UHMK1: variants seen among roughly 807,000 people sequenced by gnomAD.
UHMK1 encodes the protein serine/threonine-protein kinase Kist.
UHMK1 carries 18 observed loss-of-function variants against 44.0 expected under a neutral mutation model. The observed-to-expected ratio is 0.41, with a 90% CI of 0.28 to 0.61. The LOEUF (loss-of-function observed/expected upper bound fraction) is 0.61, where lower values mean the gene tolerates loss of function less well. UHMK1 is among the 20% of genes least tolerant of loss of function. The pLI, the probability that UHMK1 is intolerant of heterozygous loss-of-function variation, is 0.31. For synonymous variants in UHMK1, 231 were observed against 198.5 expected (o/e 1.16, Z -1.38); for missense variants, 463 against 522.5 (o/e 0.89, Z 1.11).
intron 3 of UHMK1, among the ~76,000 whole-genome samples, 159 bp downstream of exon 3, chr1:162,501,263 G>A (rs192482294): frequency 1.3e-5 from 2 of 151,926 alleles, no homozygotes; most frequent in Admixed American, 1.3e-4. Flanking sequence ...TCCACCTTCC[G>A]GTTTCAACCA....
chr1:162,500,228 G>A lies in UHMK1; in HGVS notation c.542G>A (p.Ser181Asn). Reference protein sequence around the residue: ...ECFKLIDFGLSFKEGNQDVKY... With the variant: ...ECFKLIDFGLNFKEGNQDVKY... ...TTTAAACTCATTGACTTTGGACTTAGCTTCAAAGAAGGCAATCAGGTAAGA... is the reference window on the plus strand; with the variant it reads ...TTTAAACTCATTGACTTTGGACTTAACTTCAAAGAAGGCAATCAGGTAAGA... The change falls in exon 2 of 8, where the codon AGC becomes AAC. Residue 181 changes from serine (S) to asparagine (N), a missense_variant. Ser to Asn is a conservative substitution (Grantham distance 46). Around this residue, in one of 3 missense-constraint regions of UHMK1, gnomAD observed 264 missense variants for 326.3 expected, o/e 0.81. Coordinates refer to ENST00000489294, the MANE Select transcript of UHMK1 (RefSeq NM_175866.5). 1.9e-6 allele frequency: 3 copies of A among 1,610,240 alleles called. No individual in the cohort carries two copies. Among genetic ancestry groups the A allele is most frequent in the Non-Finnish European group, 2.5e-6 (3 of 1,176,760 alleles).
intron 6 of UHMK1, among the ~76,000 whole-genome samples, chr1:162,514,275 T>A (rs1312708637): frequency 6.8e-6 from 1 of 147,752 alleles, no homozygotes; most frequent in Non-Finnish European, 1.5e-5. Flanking sequence ...GGCAACAGAG[T>A]GAGACCATCT....
Position 162,498,190 on chromosome 1 carries a change from G to A in UHMK1, c.190G>A (p.Ala64Thr), listed in dbSNP as rs760023962. 47 of 1,612,914 alleles carry A rather than the reference G, an allele frequency of 2.9e-5. No individual in the cohort carries two copies. Among genetic ancestry groups the A allele is most frequent in the Non-Finnish European group, 3.4e-5 (40 of 1,179,352 alleles). ...KQFLPPGTTG[A>T]AASAAEYGFR... ...GTTCTTGCCGCCAGGAACCACCGGG[G>A]CTGCGGCCTCTGCCGCCGAGTATGG... Residue 64 changes from alanine to threonine, a missense_variant, in exon 1 of 8, where the codon GCT (alanine) becomes ACT (threonine). Coordinates refer to ENST00000489294, the MANE Select transcript of UHMK1 (RefSeq NM_175866.5).
intron 3 of UHMK1, 107 bp from the exon 4 acceptor site, chr1:162,503,647 G>A: frequency 1.7e-6 from 1 of 581,902 alleles, no homozygotes; most frequent in South Asian, 2.6e-5. Context: ...TAGGCTCTCA[G>A]AAGATAGTGT....
At chr1:162,498,380 A>G (rs1651143692) in intron 1 of UHMK1, 112 bp downstream of exon 1, 1 of 1,338,556 alleles carries the variant, frequency 7.5e-7, no homozygotes, top group East Asian at 2.5e-5. Context: ...AAGCGGGTTT[A>G]GCCCTCTTTA....
At chr1:162,511,650 G>T (rs538672203) in intron 4 of UHMK1, among the ~76,000 whole-genome samples, 48 of 152,218 alleles carry the variant, frequency 3.2e-4, no homozygotes, top group African/African-American at 1.1e-3. Flanking sequence ...TGCTGTTGAA[G>T]TTATATTCAA....
At chr1:162,508,888 C>G (rs2101676362) in intron 4 of UHMK1, among the ~76,000 whole-genome samples, 1 of 152,108 alleles carries the variant, frequency 6.6e-6, no homozygotes, top group East Asian at 1.9e-4. Flanking sequence ...CTCACTGCAG[C>G]TTTAAGCAAT....
chr1:162,498,101 C>G lies in UHMK1; in HGVS notation c.101C>G (p.Ser34Cys). 1.2e-6 allele frequency: 2 copies of G among 1,612,112 alleles called. No individual in the cohort carries two copies. Among genetic ancestry groups the G allele is most frequent in the South Asian group, 2.2e-5 (2 of 91,020 alleles). Reference protein sequence around the residue: ...QVQSRLGSGSSASVYRVRCCG... With the variant: ...QVQSRLGSGSCASVYRVRCCG... The stretch of plus-strand genomic sequence containing the variant: ...CAGAGCCGTCTGGGTAGCGGCTCCT[C>G]CGCCTCGGTGTATCGGGTTCGCTGC... Residue 34 changes from serine to cysteine, a missense_variant, in exon 1 of 8, where the codon TCC (serine) becomes TGC (cysteine). Ser to Cys is a moderately radical substitution (Grantham distance 112). This residue lies in a region of UHMK1 where 191 missense variants were observed against 176.0 expected (regional missense o/e 1.09). Coordinates refer to ENST00000489294, the MANE Select transcript of UHMK1 (RefSeq NM_175866.5).
intron 6 of UHMK1, among the ~76,000 whole-genome samples, chr1:162,517,825 C>T (rs1243171357): frequency 1.3e-5 from 2 of 151,908 alleles, no homozygotes; most frequent in Admixed American, 6.6e-5. Context: ...GCGGAGGTTG[C>T]AGTGTCACGC....
intron 7 of UHMK1, among the ~76,000 whole-genome samples, chr1:162,518,814 T>C (rs1365916308): frequency 2.1e-5 from 3 of 144,528 alleles, no homozygotes; most frequent in African/African-American, 7.8e-5. Context: ...TGGTGAACCC[T>C]TTTCTCTACT....
chr1:162,497,872 T>C lies in UHMK1; in HGVS notation c.-129T>C. 1 of 1,372,396 alleles carries C rather than the reference T, an allele frequency of 7.3e-7. No homozygotes were observed. The highest frequency in any genetic ancestry group is 1.8e-5 in the South Asian group (1 of 56,262). 85.0% of individuals were successfully genotyped at this position (1,372,396 alleles called of 1,614,324 possible). ...TCATGGCTGCTTGAAGTCCCGGGAGTCGGTGAGGCGGCTGCAGGTCCCTCC... is the reference window on the plus strand; with the variant it reads ...TCATGGCTGCTTGAAGTCCCGGGAGCCGGTGAGGCGGCTGCAGGTCCCTCC... On this transcript the variant is annotated 5_prime_UTR_variant, in exon 1 of 8. Coordinates refer to ENST00000489294, the MANE Select transcript of UHMK1 (RefSeq NM_175866.5).
intron 7 of UHMK1, among the ~76,000 whole-genome samples, chr1:162,521,397 G>C (rs1652054427): frequency 6.6e-6 from 1 of 151,982 alleles, no homozygotes. Context: ...CTATAGGTTT[G>C]GGCATAATTA....
chr1:162,499,888 A>G, intron 1 of UHMK1, 67 bp from the exon 2 acceptor site: 1 of 1,464,002 alleles, frequency 6.8e-7, no homozygotes, highest in East Asian at 2.3e-5. Context: ...TTTGTACTGC[A>G]GTTACCTACT....
At chr1:162,501,650 T>C (rs920982505) in intron 3 of UHMK1, among the ~76,000 whole-genome samples, 2 of 152,248 alleles carry the variant, frequency 1.3e-5, no homozygotes, top group Non-Finnish European at 2.9e-5. Context: ...ATAAAATGTT[T>C]GAATGAATGC....
At chr1:162,498,503 C>G (rs922979037) in intron 1 of UHMK1, among the ~76,000 whole-genome samples, 2 of 152,168 alleles carry the variant, frequency 1.3e-5, no homozygotes, top group African/African-American at 4.8e-5. Context: ...TGTCTTGCTT[C>G]GAGTCTCATC....
At position 162,512,634 on chromosome 1, in the gene UHMK1, A is replaced by G. The variant is rs567815358; in HGVS notation, c.925+58A>G. ...TCATTTGACAGTCATACAAGACATC[A>G]GCACTAATTTATATTCACAAGTTCC... On this transcript the variant is annotated intron_variant, in intron 5 of 7. Coordinates refer to ENST00000489294, the MANE Select transcript of UHMK1 (RefSeq NM_175866.5). 51 of 1,601,784 alleles carry G rather than the reference A, an allele frequency of 3.2e-5. No homozygotes were observed. The African/African-American group carries it at 5.6e-4, about 18-fold the overall frequency.
rs907273118 is a variant in UHMK1, at chr1:162,528,297, G to T, written c.*5747G>T. Reference sequence around the variant, plus strand: ...GGGGAAGAAAATGGCTCCCTTACTGGTCTTAGTAATCTTCTATATAGTTAA... The same window carrying T: ...GGGGAAGAAAATGGCTCCCTTACTGTTCTTAGTAATCTTCTATATAGTTAA... On this transcript the variant is annotated 3_prime_UTR_variant, in exon 8 of 8. Transcript: ENST00000489294. 2.0e-5 allele frequency: 3 copies of T among 151,908 alleles called. No homozygotes were observed. Among genetic ancestry groups the T allele is most frequent in the Admixed American group, 1.3e-4 (2 of 15,254 alleles). The allele number at this position is 151,908 out of a possible 1,614,324, so 9.4% of individuals were successfully genotyped here. A position where few individuals can be genotyped will look rare whatever the true frequency, so the allele number is the denominator to read the frequency against.
intron 6 of UHMK1, 58 bp downstream of exon 6, chr1:162,512,881 C>G: frequency 6.9e-7 from 1 of 1,453,010 alleles, no homozygotes; most frequent in Non-Finnish European, 9.6e-7. Flanking sequence ...CTAGAATAAA[C>G]ATATCCGTAA....
chr1:162,505,498 A>C (rs1230783014), intron 4 of UHMK1, among the ~76,000 whole-genome samples: 1 of 152,230 alleles, frequency 6.6e-6, no homozygotes, highest in Non-Finnish European at 1.5e-5. Flanking sequence ...GTTTACATCT[A>C]TGTCCTACCG....
Sources: gnomAD v4.1 joint callset for allele counts (sites outside exome capture counted in the v4.1 genomes callset) on GRCh38, gnomAD v4.1.1 for gene constraint, gnomAD v4.1.1 regional missense constraint, MANE v1.5 for transcripts, NCBI Gene and HGNC (gene_info 2026-07-23, HGNC 2026-07-21) for gene names.